The following USP45 variants were observed in gnomAD, a reference collection of about 807,000 sequenced individuals.
The protein encoded by USP45 is ubiquitin carboxyl-terminal hydrolase 45.
In USP45, 89 loss-of-function variants were observed where a neutral mutation model predicts 95.8. The observed-to-expected ratio is 0.93, with a 90% CI of 0.78 to 1.11. The LOEUF (loss-of-function observed/expected upper bound fraction) is 1.11, where lower values mean the gene tolerates loss of function less well. Ranked by LOEUF, USP45 falls within the 50% of genes least tolerant of loss-of-function variation. The pLI is 0.00. For missense variants in USP45, 898 were observed against 942.5 expected (o/e 0.95, Z 0.62); for synonymous variants, 281 against 316.2 (o/e 0.89, Z 1.18).
intron 13 of USP45, among the ~76,000 whole-genome samples, chr6:99,463,277 GACTGGTAATATCATAGAGAGACATAAA>G (rs1320551636): frequency 6.6e-6 from 1 of 152,108 alleles, no homozygotes; most frequent in Admixed American, 6.6e-5. Context: ...GGTTATCAGT[GACTGGTAATATCATAGAGAGACATAAA>G]ACATTATGTG....
intron 8 of USP45, among the ~76,000 whole-genome samples, chr6:99,476,434 C>T (rs1040122622): frequency 6.6e-6 from 1 of 152,104 alleles, no homozygotes. Flanking sequence ...GGCAAAACCC[C>T]GTTCTCTACC....
upstream of USP45, among the ~76,000 whole-genome samples, chr6:99,516,243 A>G (rs1801101430): frequency 6.6e-6 from 1 of 152,240 alleles, no homozygotes; most frequent in Non-Finnish European, 1.5e-5. Flanking sequence ...AAGCCCGGTT[A>G]TCTGTTGAAG....
intron 5 of USP45, among the ~76,000 whole-genome samples, chr6:99,490,758 A>G (rs1166840947): frequency 2.0e-5 from 3 of 151,984 alleles, no homozygotes; most frequent in Non-Finnish European, 4.4e-5. Flanking sequence ...AAATTATGAC[A>G]CCTGCCCCAC....
chr6:99,484,836 T>C (rs1273231322), intron 7 of USP45, among the ~76,000 whole-genome samples: 1 of 128,396 alleles, frequency 7.8e-6, no homozygotes, highest in Non-Finnish European at 1.6e-5. Flanking sequence ...AACTTAAAAC[T>C]GCTCTAAAAA....
At chr6:99,440,102 G>C (rs547202646) in intron 15 of USP45, among the ~76,000 whole-genome samples, 12 of 152,100 alleles carry the variant, frequency 7.9e-5, no homozygotes, top group Non-Finnish European at 1.5e-4. Context: ...TTTCATTATG[G>C]CTTTTCAACA....
At chr6:99,509,020 G>T (rs1446579181) in intron 2 of USP45, among the ~76,000 whole-genome samples, 1 of 152,188 alleles carries the variant, frequency 6.6e-6, no homozygotes, top group East Asian at 1.9e-4. Flanking sequence ...AAGGCAGAGG[G>T]TGTTGCTATA....
intron 9 of USP45, among the ~76,000 whole-genome samples, chr6:99,469,494 T>A (rs1413464426): frequency 3.2e-4 from 44 of 139,374 alleles, no homozygotes; most frequent in Non-Finnish European, 4.2e-4. Context: ...ATATTTTTTT[T>A]TTTTTTGAGA....
chr6:99,516,623 A>G (rs2128848284), upstream of USP45, among the ~76,000 whole-genome samples: 1 of 152,330 alleles, frequency 6.6e-6, no homozygotes, highest in Non-Finnish European at 1.5e-5. Flanking sequence ...GAGGTACACT[A>G]TCATTTTGGG....
intron 1 of USP45, 72 bp from the exon 2 acceptor site, chr6:99,510,302 T>G (rs1799502443): frequency 9.2e-7 from 1 of 1,087,820 alleles, no homozygotes; most frequent in African/African-American, 1.6e-5. Context: ...TTATTTAATG[T>G]GTATTAAAAC....
intron 5 of USP45, among the ~76,000 whole-genome samples, chr6:99,492,462 C>A (rs531956842): frequency 1.3e-5 from 2 of 152,002 alleles, no homozygotes; most frequent in African/African-American, 2.4e-5. Flanking sequence ...AAATTAACTA[C>A]GCTATCAAAC....
chr6:99,508,955 AATAAC>A (rs1799134762), intron 2 of USP45, among the ~76,000 whole-genome samples, 173 bp from the exon 3 acceptor site: 1 of 152,246 alleles, frequency 6.6e-6, no homozygotes, highest in Non-Finnish European at 1.5e-5. Context: ...ATGTTCATGA[AATAAC>A]ATAATTATAG....
chr6:99,494,331 T>G (rs1208828224), intron 5 of USP45, among the ~76,000 whole-genome samples: 1 of 152,206 alleles, frequency 6.6e-6, no homozygotes, highest in East Asian at 1.9e-4. Flanking sequence ...TTTAAAGTTT[T>G]TAAAGCTCTT....
At chr6:99,513,653 A>G (rs1475329604) in intron 1 of USP45, among the ~76,000 whole-genome samples, 3 of 152,220 alleles carry the variant, frequency 2.0e-5, no homozygotes, top group African/African-American at 7.2e-5. Flanking sequence ...TACTGTAAGC[A>G]ACCTGTGCCT....
chr6:99,493,825 T>C (rs968530114), intron 5 of USP45, among the ~76,000 whole-genome samples: 1 of 152,236 alleles, frequency 6.6e-6, no homozygotes, highest in Non-Finnish European at 1.5e-5. Context: ...AAGCAGCTTA[T>C]AGCTTCTACT....
At chr6:99,492,551 T>C (rs1795414093) in intron 5 of USP45, among the ~76,000 whole-genome samples, 1 of 151,874 alleles carries the variant, frequency 6.6e-6, no homozygotes, top group Non-Finnish European at 1.5e-5. Flanking sequence ...TGGAGTGCAG[T>C]GGTGTGATCT....
In USP45 at chr6:99,503,756, T is replaced by C. The variant is rs777683019; in HGVS notation, c.478+9A>G. The stretch of plus-strand genomic sequence containing the variant: ...TAACACAGATTCCTTTAGTCATCGC[T>C]TAACTTACTTGTTTGTGTTTTAGAA... On this transcript the variant is annotated intron_variant, in intron 5 of 17. Transcript: ENST00000500704. 55 of 1,556,580 alleles carry C rather than the reference T, an allele frequency of 3.5e-5. No individual in the cohort carries two copies. The highest frequency in any genetic ancestry group is 4.5e-5 in the Non-Finnish European group (51 of 1,141,656).
chr6:99,472,424 C>T (rs1483623947), intron 9 of USP45, among the ~76,000 whole-genome samples: 1 of 152,046 alleles, frequency 6.6e-6, no homozygotes, highest in Non-Finnish European at 1.5e-5. Flanking sequence ...CCATGTTGGC[C>T]AAGCTGGTCT....
intron 13 of USP45, among the ~76,000 whole-genome samples, chr6:99,449,194 T>A (rs1783256511): frequency 6.6e-6 from 1 of 152,184 alleles, no homozygotes; most frequent in South Asian, 2.1e-4. Context: ...GTACATGGGC[T>A]AAATGCTCCA....
At chr6:99,474,145 A>C (rs1024891293) in intron 9 of USP45, among the ~76,000 whole-genome samples, 8 of 152,176 alleles carry the variant, frequency 5.3e-5, no homozygotes, top group African/African-American at 1.7e-4. Context: ...TTTTCTCTTC[A>C]CTGGAAACTG....
Sources: gnomAD v4.1 joint callset for allele counts (sites outside exome capture counted in the v4.1 genomes callset) on GRCh38, gnomAD v4.1.1 for gene constraint, MANE v1.5 for transcripts, NCBI Gene and HGNC (gene_info 2026-07-23, HGNC 2026-07-21) for gene names.